The following NRG3 variants were observed in gnomAD, a reference collection of about 807,000 sequenced individuals.
The protein encoded by NRG3 is neuregulin 3.
Under a neutral mutation model 66.9 loss-of-function variants are expected in NRG3, and 31 were observed. That is an observed-to-expected ratio of 0.46 (90% CI 0.35 to 0.63). The LOEUF is 0.63. Ranked by LOEUF, NRG3 falls within the 20% of genes least tolerant of loss-of-function variation. The pLI, the probability that NRG3 is intolerant of heterozygous loss-of-function variation, is 0.00. For synonymous variants in NRG3, 393 were observed against 359.4 expected (o/e 1.09, Z -1.06); for missense variants, 910 against 878.9 (o/e 1.04, Z -0.45).
chr10:82,390,973 C>T (rs1047257050), intron 2 of NRG3, among the ~76,000 whole-genome samples: 3 of 152,090 alleles, frequency 2.0e-5, no homozygotes, highest in African/African-American at 7.2e-5. Flanking sequence ...GGATTGGGCC[C>T]TGGCTTCCGG....
intron 2 of NRG3, among the ~76,000 whole-genome samples, chr10:82,559,973 T>C (rs1170275244): frequency 6.6e-6 from 1 of 152,016 alleles, no homozygotes; most frequent in Non-Finnish European, 1.5e-5. Flanking sequence ...AATATATATA[T>C]ATAGTAAGTC....
chr10:82,295,906 A>G (rs1377366702), intron 1 of NRG3, among the ~76,000 whole-genome samples: 1 of 108,748 alleles, frequency 9.2e-6, no homozygotes, highest in Non-Finnish European at 1.7e-5. Flanking sequence ...GTAAAAAAGG[A>G]CAAAAAAAAC....
intron 1 of NRG3, among the ~76,000 whole-genome samples, chr10:82,347,685 T>C (rs543647159): frequency 8.1e-4 from 124 of 152,316 alleles, no homozygotes; most frequent in Admixed American, 5.6e-3. Context: ...TCTCCCATTA[T>C]TATTGTGTGG....
At chr10:82,887,566 A>T (rs1313708213) in intron 4 of NRG3, among the ~76,000 whole-genome samples, 1 of 152,228 alleles carries the variant, frequency 6.6e-6, no homozygotes, top group Non-Finnish European at 1.5e-5. Context: ...AATCACAGGT[A>T]TATTCATCTG....
intron 1 of NRG3, among the ~76,000 whole-genome samples, chr10:82,136,477 G>T (rs1564598135): frequency 6.6e-6 from 1 of 152,246 alleles, no homozygotes; most frequent in South Asian, 2.1e-4. Flanking sequence ...CCATGGCCTG[G>T]AGTCAGAAAC....
intron 1 of NRG3, among the ~76,000 whole-genome samples, chr10:82,144,651 C>T (rs751947534): frequency 1.3e-5 from 2 of 152,180 alleles, no homozygotes; most frequent in African/African-American, 2.4e-5. Context: ...GATCAGTGCT[C>T]AGCCTTCCCC....
At chr10:82,286,468 A>G (rs539871629) in intron 1 of NRG3, among the ~76,000 whole-genome samples, 1 of 152,304 alleles carries the variant, frequency 6.6e-6, no homozygotes, top group Non-Finnish European at 1.5e-5. Flanking sequence ...TCACACAGAT[A>G]ATTCGAAGTT....
chr10:82,812,840 T>C (rs1209008680), intron 3 of NRG3, among the ~76,000 whole-genome samples: 2 of 152,212 alleles, frequency 1.3e-5, no homozygotes, highest in African/African-American at 2.4e-5. Flanking sequence ...TTATTCTACA[T>C]AGTACAAAAA....
intron 2 of NRG3, among the ~76,000 whole-genome samples, chr10:82,428,640 A>G (rs779526386): frequency 2.0e-5 from 3 of 152,022 alleles, no homozygotes; most frequent in Non-Finnish European, 2.9e-5. Flanking sequence ...TATGCAATCT[A>G]TCCTGGATAA....
rs576861503 is a variant in NRG3, at chr10:82,145,457, CATG to C, written c.824-213279_824-213277del. On this transcript the variant is annotated intron_variant, in intron 1 of 8. Transcript: ENST00000372141. ...GAATATCAAAGCTCATGTGTTCTCA[CATG>C]ATTTTTATGGAAAGCAAATGTATAA... Among the ~76,000 whole-genome samples, 183 of 152,290 alleles carry C rather than the reference CATG, an allele frequency of 1.2e-3. 1 individual carries two copies. The highest frequency in any genetic ancestry group is 2.0e-3 in the Non-Finnish European group (138 of 68,028).
chr10:82,453,275 G>A (rs143925071), intron 2 of NRG3, among the ~76,000 whole-genome samples: 6 of 152,102 alleles, frequency 3.9e-5, no homozygotes, highest in Non-Finnish European at 8.8e-5. Flanking sequence ...TTAGAAGAGC[G>A]CTCAGGAGCT....
chr10:82,225,156 G>A (rs544423440), intron 1 of NRG3, among the ~76,000 whole-genome samples: 3 of 152,156 alleles, frequency 2.0e-5, no homozygotes, highest in African/African-American at 4.8e-5. Context: ...AAGTAAAAAT[G>A]ATACATTAAA....
In NRG3 at chr10:82,362,079, C is replaced by CA. The variant is rs58975630; in HGVS notation, c.953+3241dup. 7.8e-3 allele frequency among the ~76,000 whole-genome samples: 109 copies of CA among 13,920 alleles called. 12 individuals carry two copies. The highest frequency in any genetic ancestry group is 0.014 in the Non-Finnish European group (74 of 5,426). The allele number at this position is 13,920 out of a possible 152,430, so 9.1% of individuals were successfully genotyped here. A position where few individuals can be genotyped will look rare whatever the true frequency, so the allele number is the denominator to read the frequency against. On this transcript the variant is annotated intron_variant, in intron 2 of 8. Transcript: ENST00000372141. ...GTGATAGAAATCCTGAAAGTACATGCAAAAAAAAAAAAAAAAAAAAAAAAA... is the reference window on the plus strand; with the variant it reads ...GTGATAGAAATCCTGAAAGTACATGCAAAAAAAAAAAAAAAAAAAAAAAAAA...
chr10:82,097,393 C>A (rs2066413148), intron 1 of NRG3, among the ~76,000 whole-genome samples: 1 of 146,350 alleles, frequency 6.8e-6, no homozygotes, highest in African/African-American at 2.5e-5. Flanking sequence ...CACACACACA[C>A]ACACTCCCAG....
intron 2 of NRG3, among the ~76,000 whole-genome samples, chr10:82,496,446 C>T (rs1843644771): frequency 6.6e-6 from 1 of 152,028 alleles, no homozygotes; most frequent in Non-Finnish European, 1.5e-5. Flanking sequence ...AAATTATTTC[C>T]ATTCATTAAA....
chr10:82,224,547 AAGTC>A (rs1454260336), intron 1 of NRG3, among the ~76,000 whole-genome samples: 2 of 152,186 alleles, frequency 1.3e-5, no homozygotes, highest in African/African-American at 2.4e-5. Flanking sequence ...TCTTTTAAGT[AAGTC>A]CTTGCTTACT....
intron 1 of NRG3, among the ~76,000 whole-genome samples, chr10:81,901,369 T>C (rs1023913944): frequency 6.6e-6 from 1 of 152,202 alleles, no homozygotes; most frequent in Non-Finnish European, 1.5e-5. Context: ...TGGTTTTGTA[T>C]TACTAAAATA....
chr10:82,379,947 A>G (rs1274694718), intron 2 of NRG3, among the ~76,000 whole-genome samples: 1 of 151,792 alleles, frequency 6.6e-6, no homozygotes, highest in African/African-American at 2.4e-5. Flanking sequence ...AAAACAAAAA[A>G]GCCACAAATT....
At chr10:81,881,655 C>T (rs756390204) in intron 1 of NRG3, among the ~76,000 whole-genome samples, 4 of 152,046 alleles carry the variant, frequency 2.6e-5, no homozygotes, top group South Asian at 4.2e-4. Context: ...TGGTTGACTC[C>T]GAAAGTTTGT....
Sources: allele counts gnomAD v4.1 joint callset (sites outside exome capture counted in the v4.1 genomes callset), GRCh38; gene constraint gnomAD v4.1.1; transcripts MANE v1.5; gene names NCBI Gene and HGNC (gene_info 2026-07-23, HGNC 2026-07-21).